Variants in TRIM71 observed in about 807,000 individuals in gnomAD.
TRIM71 encodes tripartite motif containing 71, also known as E3 ubiquitin-protein ligase TRIM71.
A neutral mutation model predicts 61.2 loss-of-function variants in TRIM71; 9 were observed. The ratio of observed to expected loss-of-function variants is 0.15; its 90% CI spans 0.09 to 0.26. The LOEUF (loss-of-function observed/expected upper bound fraction) is 0.26. TRIM71 is among the 10% of genes least tolerant of loss of function. The pLI is 1.00. For missense variants in TRIM71, 998 were observed against 1,238.7 expected (o/e 0.81, Z 2.92); for synonymous variants, 645 against 553.2 (o/e 1.17, Z -2.33).
chr3:32,838,707 C>G (rs1696363920), intron 1 of TRIM71, among the ~76,000 whole-genome samples: 3 of 152,068 alleles, frequency 2.0e-5, no homozygotes, highest in South Asian at 2.1e-4. Context: ...AAGTTCATAG[C>G]TTTTCAGGCC....
At chr3:32,876,242 TCCTCGACACCGGTGC>T (rs1419997361) in intron 2 of TRIM71, among the ~76,000 whole-genome samples, 2 of 152,136 alleles carry the variant, frequency 1.3e-5, no homozygotes, top group African/African-American at 4.8e-5. Flanking sequence ...TGCTGGTGTC[TCCTCGACACCGGTGC>T]CCTCGACACT....
At chr3:32,827,892 T>C (rs1338710306) in intron 1 of TRIM71, among the ~76,000 whole-genome samples, 3 of 152,210 alleles carry the variant, frequency 2.0e-5, no homozygotes, top group African/African-American at 7.2e-5. Flanking sequence ...TCTTAACCTT[T>C]TGCAGTTAAA....
chr3:32,837,108 A>G (rs986734094), intron 1 of TRIM71, among the ~76,000 whole-genome samples: 1 of 149,226 alleles, frequency 6.7e-6, no homozygotes, highest in African/African-American at 2.4e-5. Flanking sequence ...AAAAACAACA[A>G]CTTGCCAGTT....
At chr3:32,872,935 C>T (rs1036497877) in intron 1 of TRIM71, among the ~76,000 whole-genome samples, 12 of 152,264 alleles carry the variant, frequency 7.9e-5, no homozygotes, top group Admixed American at 3.9e-4. Flanking sequence ...TACAGAGTGG[C>T]GCTAAGTGCC....
At chr3:32,887,379 T>A (rs1362511681) in intron 3 of TRIM71, among the ~76,000 whole-genome samples, 1 of 152,004 alleles carries the variant, frequency 6.6e-6, no homozygotes, top group East Asian at 1.9e-4. Flanking sequence ...CAAAAATTCA[T>A]CCTCAGAGCA....
intron 1 of TRIM71, among the ~76,000 whole-genome samples, chr3:32,825,707 AATG>A (rs1298393498): frequency 1.0e-4 from 15 of 149,486 alleles, no homozygotes; most frequent in African/African-American, 3.9e-4. Flanking sequence ...AGAGAAAGAT[AATG>A]ATAAAGAATT....
At chr3:32,877,988 A>T (rs1190124744) in intron 2 of TRIM71, among the ~76,000 whole-genome samples, 1 of 152,196 alleles carries the variant, frequency 6.6e-6, no homozygotes, top group Admixed American at 6.5e-5. Context: ...TGAGTACCAC[A>T]CATGTTCTTA....
At position 32,826,582 on chromosome 3, in the gene TRIM71, C is replaced by CTTTTTTTTTTT. The variant is rs71068090; in HGVS notation, c.852+7662_852+7672dup. 9.4e-4 allele frequency among the ~76,000 whole-genome samples: 78 copies of CTTTTTTTTTTT among 83,088 alleles called. 10 individuals are homozygous for CTTTTTTTTTTT. The highest frequency in any genetic ancestry group is 3.1e-3 in the African/African-American group (60 of 19,382). The allele number at this position is 83,088 out of a possible 152,430, so 54.5% of individuals were successfully genotyped here. Reference sequence around the variant, plus strand: ...AACTTTAATTCCCATCAGGTGAGTTCTTTTTTTTTTTTTTTTTTTTTTGAG... The same window carrying CTTTTTTTTTTT: ...AACTTTAATTCCCATCAGGTGAGTTCTTTTTTTTTTTTTTTTTTTTTTTTTTTTTTTTTGAG... On this transcript the variant is annotated intron_variant, in intron 1 of 3. Transcript: ENST00000383763.
At position 32,891,884 on chromosome 3, in the gene TRIM71, C is replaced by G; in HGVS notation, c.*73C>G. On this transcript the variant is annotated 3_prime_UTR_variant, in exon 4 of 4. Transcript: ENST00000383763. The surrounding 1 kb of genome is among the most constrained non-coding windows in gnomAD (Gnocchi z 8.2). ...TCTCTCTCTCTCTCTTTCTCTTTCT[C>G]TCTCTTTTTGAATTTCAAAGAAGAA... is the stretch of plus-strand genomic sequence containing the variant. 1 of 1,525,430 alleles carries G rather than the reference C, an allele frequency of 6.6e-7. No homozygotes were observed. The highest frequency in any genetic ancestry group is 8.8e-7 in the Non-Finnish European group (1 of 1,142,490). The allele number at this position is 1,525,430 out of a possible 1,614,324, so 94.5% of individuals were successfully genotyped here. A position where few individuals can be genotyped will look rare whatever the true frequency, so the allele number is the denominator to read the frequency against.
At chr3:32,836,251 C>T (rs1262565612) in intron 1 of TRIM71, among the ~76,000 whole-genome samples, 1 of 152,116 alleles carries the variant, frequency 6.6e-6, no homozygotes, top group Non-Finnish European at 1.5e-5. Context: ...CCCTTATTGC[C>T]ATCAATCTAA....
chr3:32,862,252 GT>G (rs1412712430), intron 1 of TRIM71, among the ~76,000 whole-genome samples: 1 of 152,184 alleles, frequency 6.6e-6, no homozygotes, highest in Admixed American at 6.5e-5. Context: ...GAAGTGCTCG[GT>G]TGTGTTAAAG....
At chr3:32,833,184 TAAAAAA>T (rs1182178339) in intron 1 of TRIM71, among the ~76,000 whole-genome samples, 859 of 54,430 alleles carry the variant, frequency 0.016, 18 homozygotes, top group Non-Finnish European at 0.023. Flanking sequence ...ACTCTGTCTT[TAAAAAA>T]AAAAAAAAAA....
chr3:32,842,552 G>A (rs1369264528), intron 1 of TRIM71, among the ~76,000 whole-genome samples: 1 of 152,234 alleles, frequency 6.6e-6, no homozygotes, highest in East Asian at 1.9e-4. Flanking sequence ...TAATCCCCAT[G>A]TATGCTCTGT....
rs1302175934 is a variant in TRIM71 at position 32,894,969 on chromosome 3, T to C, written c.*3158T>C. On this transcript the variant is annotated 3_prime_UTR_variant, in exon 4 of 4. Coordinates refer to ENST00000383763, the MANE Select transcript of TRIM71 (RefSeq NM_001039111.3). Reference sequence around the variant, plus strand: ...TACTAGTCCCCATGGAGGTCTGATCTGGTCAGGTGGCAAGGGTTGGGTGGG... The same window carrying C: ...TACTAGTCCCCATGGAGGTCTGATCCGGTCAGGTGGCAAGGGTTGGGTGGG... 6.6e-6 allele frequency: 1 copy of C among 152,250 alleles called. No individual in the cohort carries two copies. The highest frequency in any genetic ancestry group is 2.4e-5 in the African/African-American group (1 of 41,472). The allele number at this position is 152,250 out of a possible 1,614,324, so 9.4% of individuals were successfully genotyped here. A position where few individuals can be genotyped will look rare whatever the true frequency, so the allele number is the denominator to read the frequency against.
chr3:32,893,542 ACT>A lies in TRIM71; in HGVS notation c.*1735_*1736del, dbSNP rs761067573. ...GGAGCCCTCCTCAGGGAAAAGAGGG[ACT>A]CTCAAACAAACGTCAGTGACTTACA... On this transcript the variant is annotated 3_prime_UTR_variant, in exon 4 of 4. Coordinates refer to ENST00000383763, the MANE Select transcript of TRIM71 (RefSeq NM_001039111.3). 5 of 152,192 alleles carry A rather than the reference ACT, an allele frequency of 3.3e-5. No individual in the cohort carries two copies. The highest frequency in any genetic ancestry group is 5.9e-5 in the Non-Finnish European group (4 of 68,036). 9.4% of individuals were successfully genotyped at this position (152,192 alleles called of 1,614,324 possible).
Position 32,890,860 on chromosome 3 carries a change from C to T in TRIM71, c.1656C>T (p.Tyr552=). 1 of 1,614,168 alleles carries T rather than the reference C, an allele frequency of 6.2e-7. No individual in the cohort carries two copies. Reference sequence around the variant, plus strand: ...AGAATGGGACATACGTGGTGAGTTACCGACCCCAGCTGGAGGGTGAGCACC... The same window carrying T: ...AGAATGGGACATACGTGGTGAGTTATCGACCCCAGCTGGAGGGTGAGCACC... ...DQQNGTYVVS[Y]RPQLEGEHLV... Residue 552 remains tyrosine, a synonymous_variant, in exon 4 of 4, where the codon TAC becomes TAT. Coordinates refer to ENST00000383763, the MANE Select transcript of TRIM71 (RefSeq NM_001039111.3). This position sits in a 1 kb window ranked among gnomAD's most constrained non-coding sequence, Gnocchi z 6.2.
chr3:32,851,233 A>T (rs902449762), intron 1 of TRIM71, among the ~76,000 whole-genome samples: 1 of 152,204 alleles, frequency 6.6e-6, no homozygotes, highest in Admixed American at 6.5e-5. Flanking sequence ...TCTTAAGTAG[A>T]TGGTGAAATT....
intron 1 of TRIM71, among the ~76,000 whole-genome samples, chr3:32,839,981 T>G (rs1315484936): frequency 1.3e-5 from 2 of 152,162 alleles, no homozygotes; most frequent in Non-Finnish European, 2.9e-5. Context: ...CAACTAATGT[T>G]TACAGAGTTA....
intron 2 of TRIM71, among the ~76,000 whole-genome samples, chr3:32,881,464 C>T (rs943888435): frequency 1.1e-4 from 17 of 152,162 alleles, no homozygotes; most frequent in Non-Finnish European, 5.9e-5. Flanking sequence ...CATCACTGAT[C>T]GATATCTATA....
Sources: allele counts gnomAD v4.1 joint callset (sites outside exome capture counted in the v4.1 genomes callset), GRCh38; gene constraint gnomAD v4.1.1; non-coding constraint Gnocchi (gnomAD v3.1); transcripts MANE v1.5; gene names NCBI Gene and HGNC (gene_info 2026-07-23, HGNC 2026-07-21).